DRC3: variants seen among roughly 807,000 people sequenced by gnomAD.
DRC3 encodes the protein dynein regulatory complex subunit 3, also known as leucine rich repeat containing 48.
In DRC3, 45 loss-of-function variants were observed where a neutral mutation model predicts 57.6. The ratio of observed to expected loss-of-function variants is 0.78; its 90% CI spans 0.62 to 1.00. DRC3 has a LOEUF of 1.00. Ranked by LOEUF, DRC3 falls within the 50% of genes least tolerant of loss-of-function variation. The pLI is 0.00. For missense variants in DRC3, 655 were observed against 675.2 expected, an observed-to-expected ratio of 0.97 and a Z score of 0.33; for synonymous variants, 257 against 272.3, an observed-to-expected ratio of 0.94 and a Z score of 0.55.
At chr17:17,988,155 G>A (rs2043050269) in intron 5 of DRC3, 57 bp downstream of exon 5, 1 of 1,545,374 alleles carries the variant, frequency 6.5e-7, no homozygotes, top group South Asian at 1.2e-5. Context: ...GAGCGCCGTG[G>A]GTTGAGTGGG....
chr17:17,995,153 C>A (rs1488523562), intron 8 of DRC3, 42 bp downstream of exon 8: 1 of 1,471,710 alleles, frequency 6.8e-7, no homozygotes, highest in Non-Finnish European at 9.5e-7. Context: ...CCTCTGCCAC[C>A]AGCCTGCCTT....
intron 5 of DRC3, chr17:17,988,450 T>TAA: frequency 7.8e-6 from 2 of 256,400 alleles, no homozygotes; most frequent in Admixed American, 5.0e-5. Flanking sequence ...GTGGTCCCTT[T>TAA]GGAGTGACCA....
chr17:18,014,150 C>A (rs1477897193), intron 12 of DRC3, among the ~76,000 whole-genome samples: 1 of 152,182 alleles, frequency 6.6e-6, no homozygotes, highest in African/African-American at 2.4e-5. Context: ...GAACTCCTGA[C>A]TGAGGTGATC....
In DRC3 at chr17:18,016,059, A is replaced by G. The variant is rs201011676; in HGVS notation, c.1327-5A>G. 1,959 of 1,613,148 alleles carry G rather than the reference A, an allele frequency of 1.2e-3. 1 individual carries two copies. Among genetic ancestry groups the G allele is most frequent in the Non-Finnish European group, 1.5e-3 (1,825 of 1,179,204 alleles). The stretch of plus-strand genomic sequence containing the variant: ...CTTTCTCATTGGATTCTTTTCACTC[A>G]CCAGCTTTTTGTCGATAAAGATACG... On this transcript the variant is annotated splice_polypyrimidine_tract_variant and splice_region_variant and intron_variant, in intron 12 of 13. Coordinates refer to ENST00000399187, the MANE Select transcript of DRC3 (RefSeq NM_031294.4).
chr17:17,979,472 C>T (rs930316178), intron 3 of DRC3, among the ~76,000 whole-genome samples: 1 of 152,192 alleles, frequency 6.6e-6, no homozygotes, highest in Admixed American at 6.5e-5. Flanking sequence ...TGACCACAGG[C>T]CTGGCCGAGG....
intron 7 of DRC3, 123 bp downstream of exon 7, chr17:17,994,541 C>T (rs531359847): frequency 1.5e-6 from 2 of 1,344,256 alleles, no homozygotes; most frequent in Non-Finnish European, 2.0e-6. Context: ...GCTCCCTCCA[C>T]AGGGCCTGAT....
At chr17:17,978,656 C>T (rs1178067718) in intron 3 of DRC3, among the ~76,000 whole-genome samples, 1 of 152,212 alleles carries the variant, frequency 6.6e-6, no homozygotes. Flanking sequence ...TCAGGCATGG[C>T]CCAGGCACAG....
At chr17:17,984,126 T>G (rs745862516) in intron 4 of DRC3, among the ~76,000 whole-genome samples, 182 bp downstream of exon 4, 10 of 152,208 alleles carry the variant, frequency 6.6e-5, no homozygotes, top group Non-Finnish European at 1.5e-4. Context: ...AGCCTAGGGC[T>G]TGTGCTGGGC....
chr17:18,014,382 G>A (rs368191868), intron 12 of DRC3, among the ~76,000 whole-genome samples: 133 of 152,328 alleles, frequency 8.7e-4, no homozygotes, highest in South Asian at 6.0e-3. Flanking sequence ...TGCAGAAACT[G>A]GAGAGGGATC....
chr17:18,009,659 C>T (rs1597642584), intron 12 of DRC3, among the ~76,000 whole-genome samples: 1 of 152,114 alleles, frequency 6.6e-6, no homozygotes. Flanking sequence ...GATTGAAAGC[C>T]TTTGACAAAA....
chr17:17,996,428 A>C (rs866612733), intron 8 of DRC3, among the ~76,000 whole-genome samples: 4 of 152,226 alleles, frequency 2.6e-5, no homozygotes, highest in East Asian at 3.8e-4. Flanking sequence ...GCAAAGAAAG[A>C]AAGCCTGTGC....
At position 17,973,696 on chromosome 17, in the gene DRC3, A is replaced by G. The variant is rs1164280669; in HGVS notation, c.-128-156A>G. On this transcript the variant is annotated intron_variant, in intron 1 of 13. Transcript: ENST00000399187. ...CCTATGTTGCCCGGGCTGGTCTTGA[A>G]CTCCTGAACTCAAGCAGTCCTTCCA... 7 of 151,858 alleles carry G rather than the reference A, an allele frequency of 4.6e-5. 1 individual carries two copies. 9.4% of individuals were successfully genotyped at this position (151,858 alleles called of 1,614,324 possible).
chr17:18,002,900 A>G (rs2145400836), intron 9 of DRC3, among the ~76,000 whole-genome samples: 1 of 152,364 alleles, frequency 6.6e-6, no homozygotes, highest in South Asian at 2.1e-4. Context: ...ACTGGGACCA[A>G]GAATTAAACT....
At chr17:17,979,528 C>T (rs919200932) in intron 3 of DRC3, among the ~76,000 whole-genome samples, 8 of 152,168 alleles carry the variant, frequency 5.3e-5, no homozygotes, top group African/African-American at 1.2e-4. Flanking sequence ...AAGATTAAAT[C>T]GGCTTTTTTT....
intron 4 of DRC3, among the ~76,000 whole-genome samples, chr17:17,986,180 G>A (rs776531374): frequency 2.0e-4 from 31 of 152,190 alleles, no homozygotes; most frequent in Non-Finnish European, 3.8e-4. Context: ...GCAAAGTGCC[G>A]GGATTATAGG....
In DRC3 at chr17:17,988,162, TGG is replaced by T. The variant is rs1174208610; in HGVS notation, c.444+68_444+69del. 48 of 1,507,418 alleles carry T rather than the reference TGG, an allele frequency of 3.2e-5. No individual in the cohort carries two copies. The East Asian group carries it at 1.1e-3, about 34-fold the overall frequency. 93.4% of individuals were successfully genotyped at this position (1,507,418 alleles called of 1,614,324 possible). The stretch of plus-strand genomic sequence containing the variant: ...GAGCCTTGGAGCGCCGTGGGTTGAG[TGG>T]GGGTCTGTGGCTAGGGGAAGTACAG... On this transcript the variant is annotated intron_variant, in intron 5 of 13. Coordinates refer to ENST00000399187, the MANE Select transcript of DRC3 (RefSeq NM_031294.4).
rs182937891 is a variant in DRC3, at chr17:18,006,152, G to T, written c.1132-31G>T. ...TGCTCTGTGCTGGACATCTAAATAT[G>T]CATGTTAACTGTGTTCTTTAACATT... is the stretch of plus-strand genomic sequence containing the variant. On this transcript the variant is annotated intron_variant, in intron 10 of 13. Coordinates refer to ENST00000399187, the MANE Select transcript of DRC3 (RefSeq NM_031294.4). 2.3e-5 allele frequency: 35 copies of T among 1,517,126 alleles called. No individual in the cohort carries two copies. The East Asian group carries it at 6.3e-4, about 27-fold the overall frequency. The allele number at this position is 1,517,126 out of a possible 1,614,324, so 94.0% of individuals were successfully genotyped here.
intron 2 of DRC3, among the ~76,000 whole-genome samples, chr17:17,976,227 C>T (rs977637971): frequency 3.3e-5 from 5 of 152,160 alleles, no homozygotes; most frequent in African/African-American, 1.2e-4. Context: ...GGGAAAATAT[C>T]CCTCCTGGAT....
intron 10 of DRC3, chr17:18,005,624 A>C (rs1311479655): frequency 1.3e-5 from 2 of 154,058 alleles, no homozygotes; most frequent in Non-Finnish European, 2.9e-5. Context: ...TCTGTCAGGC[A>C]CCTTGCAAAG....
Sources: allele counts gnomAD v4.1 joint callset (sites outside exome capture counted in the v4.1 genomes callset), GRCh38; gene constraint gnomAD v4.1.1; transcripts MANE v1.5; gene names NCBI Gene and HGNC (gene_info 2026-07-23, HGNC 2026-07-21).